The following N4BP2 variants were observed in gnomAD, a reference collection of about 807,000 sequenced individuals.
N4BP2 encodes NEDD4 binding protein 2.
N4BP2 carries 91 observed loss-of-function variants against 152.8 expected under a neutral mutation model. That is an observed-to-expected ratio of 0.60 (90% CI 0.50 to 0.71). N4BP2 has a LOEUF of 0.71. Among genes scored for constraint, N4BP2 ranks in the 30% least tolerant of loss-of-function variants. The pLI, the probability that N4BP2 is intolerant of heterozygous loss-of-function variation, is 0.00. For missense variants in N4BP2, 1,923 were observed against 2,059.1 expected (o/e 0.93, Z 1.28); for synonymous variants, 646 against 705.3 (o/e 0.92, Z 1.33).
Position 40,120,637 on chromosome 4 carries a change from A to T in N4BP2, c.2526A>T (p.Gly842=). The change falls in exon 9 of 18, where the codon GGA becomes GGT. Residue 842 remains glycine (G), a synonymous_variant. Coordinates refer to ENST00000261435, the MANE Select transcript of N4BP2 (RefSeq NM_018177.6). ...SVNTDCVQQR[G]SPHESVEDGR... ...ATACAGATTGTGTCCAGCAACGAGG[A>T]TCTCCACATGAAAGTGTAGAGGATG... 1.2e-6 allele frequency: 2 copies of T among 1,614,130 alleles called. No homozygotes were observed. The highest frequency in any genetic ancestry group is 8.5e-7 in the Non-Finnish European group (1 of 1,179,978).
intron 5 of N4BP2, among the ~76,000 whole-genome samples, chr4:40,107,982 G>C (rs1716485393): frequency 1.3e-5 from 2 of 151,548 alleles, no homozygotes; most frequent in South Asian, 4.2e-4. Context: ...GCAGTGCAGT[G>C]GTGTGATCTC....
the N4BP2 span, among the ~76,000 whole-genome samples, chr4:40,184,895 G>A: frequency 6.6e-6 from 1 of 152,096 alleles, no homozygotes; most frequent in Admixed American, 6.6e-5. Flanking sequence ...GGCGGAGGTT[G>A]CAGTGAGCCG....
chr4:40,118,708 T>G (rs1298296770), intron 8 of N4BP2, among the ~76,000 whole-genome samples: 2 of 152,226 alleles, frequency 1.3e-5, no homozygotes, highest in Non-Finnish European at 2.9e-5. Flanking sequence ...CTTAATTTCC[T>G]TAAGTTTTAA....
intron 3 of N4BP2, among the ~76,000 whole-genome samples, chr4:40,100,532 C>G (rs1483874875): frequency 1.3e-5 from 2 of 152,010 alleles, no homozygotes; most frequent in East Asian, 3.9e-4. Flanking sequence ...TACGCACATG[C>G]TACCACACTG....
intron 15 of N4BP2, among the ~76,000 whole-genome samples, chr4:40,143,194 C>A (rs1026846135): frequency 9.9e-5 from 15 of 152,090 alleles, no homozygotes; most frequent in African/African-American, 3.6e-4. Flanking sequence ...TGCCTTCTGT[C>A]ATGTTTGAAT....
chr4:40,112,759 A>G (rs1717008538), intron 6 of N4BP2, among the ~76,000 whole-genome samples: 1 of 151,768 alleles, frequency 6.6e-6, no homozygotes, highest in Non-Finnish European at 1.5e-5. Flanking sequence ...GCTGGAGGGC[A>G]GTGGCGTGAT....
intron 2 of N4BP2, among the ~76,000 whole-genome samples, chr4:40,090,067 C>A (rs551965798): frequency 2.6e-4 from 39 of 152,226 alleles, no homozygotes; most frequent in South Asian, 1.0e-3. Context: ...GCACCATAGT[C>A]AAAAATCAGT....
the N4BP2 span, among the ~76,000 whole-genome samples, chr4:40,171,616 AG>A: frequency 6.6e-6 from 1 of 152,200 alleles, no homozygotes; most frequent in Non-Finnish European, 1.5e-5. Flanking sequence ...TGGATTAGTC[AG>A]GGTTCTCTAG....
chr4:40,088,607 T>G (rs1231007439), intron 2 of N4BP2, among the ~76,000 whole-genome samples: 1 of 152,000 alleles, frequency 6.6e-6, no homozygotes, highest in East Asian at 1.9e-4. Context: ...TTCAAGTGAT[T>G]CTCCTGCCTC....
At chr4:40,124,259 G>A in intron 11 of N4BP2, 54 bp downstream of exon 11, 1 of 1,401,332 alleles carries the variant, frequency 7.1e-7, no homozygotes, top group African/African-American at 1.4e-5. Flanking sequence ...TGGTGTGTGT[G>A]TTTGAATTTT....
At chr4:40,101,202 G>A (rs1715615519) in intron 3 of N4BP2, among the ~76,000 whole-genome samples, 2 of 152,050 alleles carry the variant, frequency 1.3e-5, no homozygotes, top group Admixed American at 6.6e-5. Context: ...TGTCACCAAG[G>A]CTGGAGTGCA....
chr4:40,093,020 T>A (rs1007908213), intron 2 of N4BP2, among the ~76,000 whole-genome samples: 1 of 151,910 alleles, frequency 6.6e-6, no homozygotes, highest in African/African-American at 2.4e-5. Flanking sequence ...TTCAGTTCAC[T>A]GCAACCTCTG....
chr4:40,161,056 A>G (rs917513112), downstream of N4BP2, among the ~76,000 whole-genome samples: 7 of 152,214 alleles, frequency 4.6e-5, no homozygotes, highest in Non-Finnish European at 1.0e-4. Context: ...CAAAAACTCA[A>G]TCAATCAATC....
intron 3 of N4BP2, among the ~76,000 whole-genome samples, chr4:40,098,809 A>G (rs986922912): frequency 6.6e-6 from 1 of 152,226 alleles, no homozygotes; most frequent in Non-Finnish European, 1.5e-5. Flanking sequence ...ATACCATAAC[A>G]AAAAAACTTT....
rs1234145097 is a variant in N4BP2, at chr4:40,121,766, A to G, written c.3655A>G (p.Ser1219Gly). The G allele has an allele frequency of 6.2e-7, 1 of 1,613,902 alleles. No individual in the cohort carries two copies. Among genetic ancestry groups the G allele is most frequent in the Non-Finnish European group, 8.5e-7 (1 of 1,179,964 alleles). ...TCCTGAAAACCATGAATCGATGACA[A>G]GTATATTTCCCAGTGCTGCTGTGGG... ...VTPENHESMT[S>G]IFPSAAVGLK... The change falls in exon 9 of 18, where the codon AGT (serine) becomes GGT (glycine). Residue 1219 changes from serine to glycine, a missense_variant. Physicochemically the swap from Ser to Gly is moderately conservative, Grantham distance 56. Coordinates refer to ENST00000261435, the MANE Select transcript of N4BP2 (RefSeq NM_018177.6).
At chr4:40,117,056 G>A (rs1579063849) in intron 7 of N4BP2, among the ~76,000 whole-genome samples, 4 of 151,974 alleles carry the variant, frequency 2.6e-5, no homozygotes, top group Non-Finnish European at 5.9e-5. Context: ...TTCTAGTTAT[G>A]GATTTCTTAT....
rs1263050594 is a variant in N4BP2, at chr4:40,157,284, T to A, written c.*3047T>A. 4 of 152,150 alleles carry A rather than the reference T, an allele frequency of 2.6e-5. No homozygotes were observed. The highest frequency in any genetic ancestry group is 9.7e-5 in the African/African-American group (4 of 41,438). 9.4% of individuals were successfully genotyped at this position (152,150 alleles called of 1,614,324 possible). ...GTGCAGTTTCTTCAATTGGTTAGTATTTCCATACTATTTGCAACTTTATGG... is the reference window on the plus strand; with the variant it reads ...GTGCAGTTTCTTCAATTGGTTAGTAATTCCATACTATTTGCAACTTTATGG... On this transcript the variant is annotated 3_prime_UTR_variant, in exon 18 of 18. Transcript: ENST00000261435.
At chr4:40,101,253 T>C (rs927777263) in intron 3 of N4BP2, among the ~76,000 whole-genome samples, 1 of 151,998 alleles carries the variant, frequency 6.6e-6, no homozygotes, top group Non-Finnish European at 1.5e-5. Context: ...GCCTCCCGGG[T>C]TCAAGAGATT....
intron 2 of N4BP2, among the ~76,000 whole-genome samples, chr4:40,079,713 G>T (rs1713161342): frequency 6.6e-6 from 1 of 152,104 alleles, no homozygotes; most frequent in Non-Finnish European, 1.5e-5. Flanking sequence ...GAGGCAGGAG[G>T]ATTGCTTAAG....
Sources: allele counts gnomAD v4.1 joint callset (sites outside exome capture counted in the v4.1 genomes callset), GRCh38; gene constraint gnomAD v4.1.1; transcripts MANE v1.5; gene names NCBI Gene and HGNC (gene_info 2026-07-23, HGNC 2026-07-21).